Variants in POLR2M observed in about 807,000 individuals in gnomAD.
POLR2M encodes RNA polymerase II subunit M, also known as protein GRINL1A.
Under a neutral mutation model 34.6 loss-of-function variants are expected in POLR2M, and 30 were observed. The ratio of observed to expected loss-of-function variants is 0.87; its 90% CI spans 0.65 to 1.18. The LOEUF (loss-of-function observed/expected upper bound fraction) is 1.18. POLR2M is among the 50% of genes most tolerant of loss of function. The probability of loss-of-function intolerance (pLI) is 0.00; values close to 1 mark genes in which losing one functional copy is unlikely to be tolerated. For synonymous variants in POLR2M, 150 were observed against 166.7 expected, an observed-to-expected ratio of 0.90 and a Z score of 0.77; for missense variants, 432 against 448.7, an observed-to-expected ratio of 0.96 and a Z score of 0.34.
Position 57,717,098 on chromosome 15 carries a change from G to C in POLR2M, c.*2419G>C, listed in dbSNP as rs2040976755. On this transcript the variant is annotated 3_prime_UTR_variant, in exon 4 of 4. Coordinates refer to ENST00000299638, the MANE Select transcript of POLR2M (RefSeq NM_015532.5). ...GAATTTACCAATTGGTTCAGTATGT[G>C]AAACCACCATTTCCCCTCTGATTAG... The C allele has an allele frequency of 6.6e-6, 1 of 152,134 alleles. No individual in the cohort carries two copies. Among genetic ancestry groups the C allele is most frequent in the African/African-American group, 2.4e-5 (1 of 41,426 alleles). The allele number at this position is 152,134 out of a possible 1,614,324, so 9.4% of individuals were successfully genotyped here.
intron 1 of POLR2M, chr15:57,707,308 T>C (rs2040533217): frequency 1.4e-6 from 1 of 734,394 alleles, no homozygotes; most frequent in South Asian, 1.7e-5. Flanking sequence ...ATTGTCAGCT[T>C]CATCTCTGGA....
At chr15:57,707,065 C>T in intron 1 of POLR2M, 110 bp downstream of exon 1, 2 of 1,551,594 alleles carry the variant, frequency 1.3e-6, no homozygotes, top group South Asian at 1.2e-5. Flanking sequence ...GACTTTGACT[C>T]AGTCACATTC....
Position 57,708,702 on chromosome 15 carries a change from TC to T in POLR2M, c.114-10del. ...TGGCTGTAATGTAATAGTATTCTTT[TC>T]CATTTGACAGAAAATTCATTTGCAA... On this transcript the variant is annotated splice_polypyrimidine_tract_variant and intron_variant, in intron 1 of 3. Coordinates refer to ENST00000299638, the MANE Select transcript of POLR2M (RefSeq NM_015532.5). The T allele has an allele frequency of 1.3e-6, 2 of 1,563,024 alleles. No individual in the cohort carries two copies. Among genetic ancestry groups the T allele is most frequent in the South Asian group, 2.5e-5 (2 of 80,220 alleles).
At chr15:57,707,515 A>C in intron 1 of POLR2M, 1 of 483,294 alleles carries the variant, frequency 2.1e-6, no homozygotes, top group East Asian at 6.2e-5. Context: ...AAGGAATAAA[A>C]AGCAGAAGAC....
intron 2 of POLR2M, among the ~76,000 whole-genome samples, chr15:57,711,377 A>G (rs189196606): frequency 1.5e-4 from 23 of 152,328 alleles, no homozygotes; most frequent in African/African-American, 5.3e-4. Context: ...CGAACTTGTT[A>G]CGGAGAACTC....
rs559947094 is a variant in POLR2M, at chr15:57,713,220, G to T, written c.963+1032G>T. ...CTCAAAAAAAAAAACAACAAAACAGGCTGTTAATCTGCTTTGGCTTTTCAT... is the reference window on the plus strand; with the variant it reads ...CTCAAAAAAAAAAACAACAAAACAGTCTGTTAATCTGCTTTGGCTTTTCAT... On this transcript the variant is annotated intron_variant, in intron 3 of 3. Transcript: ENST00000299638. Among the ~76,000 whole-genome samples, 6 of 150,494 alleles carry T rather than the reference G, an allele frequency of 4.0e-5. No homozygotes were observed. In the East Asian group the frequency reaches 1.2e-3, roughly 29 times the overall value.
intron 1 of POLR2M, chr15:57,707,654 A>G (rs1317724947): frequency 1.4e-4 from 57 of 400,696 alleles, no homozygotes; most frequent in South Asian, 9.5e-4. Flanking sequence ...GAAGTTTCCA[A>G]TCTATATGGA....
intron 3 of POLR2M, among the ~76,000 whole-genome samples, chr15:57,714,179 C>T (rs1216948128): frequency 6.6e-6 from 1 of 151,964 alleles, no homozygotes; most frequent in Non-Finnish European, 1.5e-5. Flanking sequence ...TTTGATAGGT[C>T]AAATTGTTAT....
Position 57,716,586 on chromosome 15 carries a change from AATTTGT to A in POLR2M, c.*1914_*1919del, listed in dbSNP as rs1183406666. On this transcript the variant is annotated 3_prime_UTR_variant, in exon 4 of 4. Transcript: ENST00000299638. ...AATTACAGAAAAGGGCTACATTTAA[AATTTGT>A]ATTTGTTTTTCTTACTTAGTGAAGG... The A allele has an allele frequency of 2.6e-5, 4 of 152,290 alleles. No homozygotes were observed. In the East Asian group the frequency reaches 5.8e-4, roughly 22 times the overall value. 9.4% of individuals were successfully genotyped at this position (152,290 alleles called of 1,614,324 possible).
rs1164475587 is a variant in POLR2M at position 57,715,740 on chromosome 15, A to C, written c.*1061A>C. 6.6e-6 allele frequency: 1 copy of C among 152,250 alleles called. No individual in the cohort carries two copies. The allele number at this position is 152,250 out of a possible 1,614,324, so 9.4% of individuals were successfully genotyped here. ...CAGAGAAATTAACTTACATTATCAAAAAATTCTTTGTCTAATATATTGGAG... is the reference window on the plus strand; with the variant it reads ...CAGAGAAATTAACTTACATTATCAACAAATTCTTTGTCTAATATATTGGAG... On this transcript the variant is annotated 3_prime_UTR_variant, in exon 4 of 4. Transcript: ENST00000299638.
Position 57,712,208 on chromosome 15 carries a change from T to C in POLR2M, c.963+20T>C. 6.2e-7 allele frequency: 1 copy of C among 1,613,096 alleles called. No individual in the cohort carries two copies. The highest frequency in any genetic ancestry group is 8.5e-7 in the Non-Finnish European group (1 of 1,179,528). The stretch of plus-strand genomic sequence containing the variant: ...TATGAGGTATTTAGAGTATTTTTTT[T>C]CTTGTCTGTTTGTTGGGTGCTGCTT... On this transcript the variant is annotated intron_variant, in intron 3 of 3. Transcript: ENST00000299638.
At chr15:57,714,488 G>C (rs762888383) in intron 3 of POLR2M, 48 bp from the exon 4 acceptor site, 7 of 1,599,168 alleles carry the variant, frequency 4.4e-6, no homozygotes, top group Admixed American at 1.8e-5. Context: ...AAAATTGTAA[G>C]GAAGAGATGT....
Position 57,712,200 on chromosome 15 carries a change from A to G in POLR2M, c.963+12A>G. On this transcript the variant is annotated intron_variant, in intron 3 of 3. Coordinates refer to ENST00000299638, the MANE Select transcript of POLR2M (RefSeq NM_015532.5). ...AACAGAATTATGAGGTATTTAGAGT[A>G]TTTTTTTTCTTGTCTGTTTGTTGGG... 6.2e-7 allele frequency: 1 copy of G among 1,612,692 alleles called. No homozygotes were observed. The highest frequency in any genetic ancestry group is 8.5e-7 in the Non-Finnish European group (1 of 1,179,448).
chr15:57,707,052 G>A (rs1460598501), intron 1 of POLR2M, 97 bp downstream of exon 1: 1 of 1,551,700 alleles, frequency 6.4e-7, no homozygotes, highest in Admixed American at 2.0e-5. Flanking sequence ...TTCCCTGGAA[G>A]GTGACTTTGA....
chr15:57,706,734 A>G lies in POLR2M; in HGVS notation c.-109A>G. 1 of 1,256,856 alleles carries G rather than the reference A, an allele frequency of 8.0e-7. No individual in the cohort carries two copies. Among genetic ancestry groups the G allele is most frequent in the Non-Finnish European group, 1.1e-6 (1 of 914,818 alleles). 77.9% of individuals were successfully genotyped at this position (1,256,856 alleles called of 1,614,324 possible). A position where few individuals can be genotyped will look rare whatever the true frequency, so the allele number is the denominator to read the frequency against. ...ACCCCGTTCTTCCGGGAAAATGGCG[A>G]CTCCCGCTCGTGCCCCGGAGTCACC... On this transcript the variant is annotated 5_prime_UTR_variant, in exon 1 of 4. Transcript: ENST00000299638.
rs1218157125 is a variant in POLR2M, at chr15:57,716,937, T to C, written c.*2258T>C. 1 of 152,154 alleles carries C rather than the reference T, an allele frequency of 6.6e-6. No individual in the cohort carries two copies. Among genetic ancestry groups the C allele is most frequent in the Non-Finnish European group, 1.5e-5 (1 of 68,018 alleles). 9.4% of individuals were successfully genotyped at this position (152,154 alleles called of 1,614,324 possible). On this transcript the variant is annotated 3_prime_UTR_variant, in exon 4 of 4. Coordinates refer to ENST00000299638, the MANE Select transcript of POLR2M (RefSeq NM_015532.5). ...TTTTCTTATTTCACTTTTACACCTA[T>C]CTTTAAAAGGAATTTAAATTTTGTT...
Position 57,709,707 on chromosome 15 carries a change from T to A in POLR2M, c.758+349T>A, listed in dbSNP as rs183028892. On this transcript the variant is annotated intron_variant, in intron 2 of 3. Coordinates refer to ENST00000299638, the MANE Select transcript of POLR2M (RefSeq NM_015532.5). ...GAAACCAAATAATCGACAAGGTCTT[T>A]TAAAGCACATGGGGGAGTGTTAAAT... Among the ~76,000 whole-genome samples the A allele has an allele frequency of 2.0e-3, 299 of 152,312 alleles. 1 individual carries two copies. The highest frequency in any genetic ancestry group is 6.8e-3 in the Middle Eastern group (2 of 294).
rs2040987470 is a variant in POLR2M at position 57,717,377 on chromosome 15, A to G, written c.*2698A>G. 1 of 152,234 alleles carries G rather than the reference A, an allele frequency of 6.6e-6. No homozygotes were observed. Among genetic ancestry groups the G allele is most frequent in the South Asian group, 2.1e-4 (1 of 4,830 alleles). The allele number at this position is 152,234 out of a possible 1,614,324, so 9.4% of individuals were successfully genotyped here. ...AACTAGATGCAGAGGAGGTCTTGCC[A>G]GCACTCCAAAATCTCTGTGTGTCCC... On this transcript the variant is annotated 3_prime_UTR_variant, in exon 4 of 4. Coordinates refer to ENST00000299638, the MANE Select transcript of POLR2M (RefSeq NM_015532.5).
Position 57,715,894 on chromosome 15 carries a change from G to A in POLR2M, c.*1215G>A, listed in dbSNP as rs2040921687. ...AGACTGTTCACATTTGCTTCCAGGT[G>A]TAATTATTGCTTTCATTCCTTACCC... On this transcript the variant is annotated 3_prime_UTR_variant, in exon 4 of 4. Transcript: ENST00000299638. 2 of 152,376 alleles carry A rather than the reference G, an allele frequency of 1.3e-5. No homozygotes were observed. The highest frequency in any genetic ancestry group is 2.4e-5 in the African/African-American group (1 of 41,584). The allele number at this position is 152,376 out of a possible 1,614,324, so 9.4% of individuals were successfully genotyped here. A position where few individuals can be genotyped will look rare whatever the true frequency, so the allele number is the denominator to read the frequency against.
Sources: gnomAD v4.1 joint callset for allele counts (sites outside exome capture counted in the v4.1 genomes callset) on GRCh38, gnomAD v4.1.1 for gene constraint, MANE v1.5 for transcripts, NCBI Gene and HGNC (gene_info 2026-07-23, HGNC 2026-07-21) for gene names.